ERBIN: variants seen among roughly 807,000 people sequenced by gnomAD.
ERBIN encodes the protein erbb2 interacting protein.
In ERBIN, 60 loss-of-function variants were observed where a neutral mutation model predicts 158.4. The observed-to-expected ratio is 0.38, with a 90% CI of 0.31 to 0.47. The LOEUF is 0.47. Among genes scored for constraint, ERBIN ranks in the 20% least tolerant of loss-of-function variants. The pLI, the probability that ERBIN is intolerant of heterozygous loss-of-function variation, is 0.99. For missense variants in ERBIN, 1,610 were observed against 1,648.0 expected (o/e 0.98, Z 0.40); for synonymous variants, 594 against 557.2 (o/e 1.07, Z -0.93).
At chr5:66,022,099 A>T (rs1446387276) in intron 8 of ERBIN, among the ~76,000 whole-genome samples, 1 of 152,072 alleles carries the variant, frequency 6.6e-6, no homozygotes, top group Non-Finnish European at 1.5e-5. Flanking sequence ...GAATTTCTCA[A>T]AACTGCTTGC....
intron 23 of ERBIN, among the ~76,000 whole-genome samples, chr5:66,075,828 A>C (rs1490871698): frequency 2.0e-5 from 3 of 152,134 alleles, no homozygotes; most frequent in African/African-American, 7.2e-5. Context: ...CATGTTTTAA[A>C]ATCCCAACTC....
At chr5:65,957,729 G>T (rs1479334921) in intron 1 of ERBIN, among the ~76,000 whole-genome samples, 1 of 152,234 alleles carries the variant, frequency 6.6e-6, no homozygotes, top group Non-Finnish European at 1.5e-5. Context: ...GAGCTGTTGG[G>T]TACACCTCTA....
chr5:66,037,658 A>G (rs1323576786), intron 14 of ERBIN, among the ~76,000 whole-genome samples: 2 of 152,288 alleles, frequency 1.3e-5, no homozygotes, highest in African/African-American at 2.4e-5. Flanking sequence ...ATAGGGTGAC[A>G]TGTGAGGGGA....
rs1217477593 is a variant in ERBIN, at chr5:66,079,910, T to A, written c.*1380T>A. 6.6e-6 allele frequency: 1 copy of A among 152,226 alleles called. No homozygotes were observed. The highest frequency in any genetic ancestry group is 1.9e-4 in the East Asian group (1 of 5,194). 9.4% of individuals were successfully genotyped at this position (152,226 alleles called of 1,614,324 possible). A position where few individuals can be genotyped will look rare whatever the true frequency, so the allele number is the denominator to read the frequency against. On this transcript the variant is annotated 3_prime_UTR_variant, in exon 26 of 26. Coordinates refer to ENST00000284037, the MANE Select transcript of ERBIN (RefSeq NM_001253697.2). ...CCAGACCATTAATTTTATTTGTTTT[T>A]GTTCTATGTAATCAAATAAAATTTG...
rs201946130 is a variant in ERBIN at position 66,068,807 on chromosome 5, G to A, written c.3634-3362G>A. 5.8e-5 allele frequency: 79 copies of A among 1,354,912 alleles called. No homozygotes were observed. The East Asian group carries it at 1.5e-3, about 26-fold the overall frequency. 83.9% of individuals were successfully genotyped at this position (1,354,912 alleles called of 1,614,324 possible). On this transcript the variant is annotated intron_variant, in intron 21 of 25. Coordinates refer to ENST00000284037, the MANE Select transcript of ERBIN (RefSeq NM_001253697.2). ...TGGGGTTACTTGTAAATAAGTCTACGTATATAACATGTCTCGTGGATTTTG... is the reference window on the plus strand; with the variant it reads ...TGGGGTTACTTGTAAATAAGTCTACATATATAACATGTCTCGTGGATTTTG...
intron 21 of ERBIN, among the ~76,000 whole-genome samples, chr5:66,063,950 T>C (rs1760732442): frequency 6.6e-6 from 1 of 152,208 alleles, no homozygotes; most frequent in Non-Finnish European, 1.5e-5. Context: ...ATTTCATTAT[T>C]AATCATCTCT....
chr5:66,033,230 G>T (rs1291109757), intron 14 of ERBIN, among the ~76,000 whole-genome samples: 2 of 152,090 alleles, frequency 1.3e-5, no homozygotes, highest in Non-Finnish European at 2.9e-5. Flanking sequence ...AAGATTTGTG[G>T]CACAAGAAGA....
intron 1 of ERBIN, among the ~76,000 whole-genome samples, chr5:65,986,608 G>T (rs188657541): frequency 3.5e-4 from 54 of 152,310 alleles, no homozygotes; most frequent in African/African-American, 1.3e-3. Context: ...TTAAGAAAAA[G>T]ATGATTTATG....
intron 1 of ERBIN, among the ~76,000 whole-genome samples, chr5:65,928,000 A>C (rs376513830): frequency 8.5e-5 from 13 of 152,300 alleles, no homozygotes; most frequent in African/African-American, 3.1e-4. Flanking sequence ...TGGTAGGTAT[A>C]TCCTAAATAT....
At chr5:65,991,252 A>G (rs945168986) in intron 2 of ERBIN, among the ~76,000 whole-genome samples, 4 of 152,172 alleles carry the variant, frequency 2.6e-5, no homozygotes, top group African/African-American at 4.8e-5. Context: ...TTGTTTATAC[A>G]TGGATTCTTT....
At chr5:65,933,944 G>A (rs1743759430) in intron 1 of ERBIN, among the ~76,000 whole-genome samples, 1 of 152,038 alleles carries the variant, frequency 6.6e-6, no homozygotes, top group South Asian at 2.1e-4. Flanking sequence ...CGCCCAGGCT[G>A]GAGTGCAGTG....
chr5:65,990,765 A>ATT (rs1222133321), intron 2 of ERBIN, among the ~76,000 whole-genome samples: 1 of 146,432 alleles, frequency 6.8e-6, no homozygotes, highest in African/African-American at 2.5e-5. Context: ...TAAAAAAAAA[A>ATT]TTTTTTTTTT....
At chr5:66,051,409 A>G (rs1385461798) in intron 20 of ERBIN, among the ~76,000 whole-genome samples, 1 of 152,162 alleles carries the variant, frequency 6.6e-6, no homozygotes, top group African/African-American at 2.4e-5. Flanking sequence ...GATAAATGTT[A>G]ATTTGTATAG....
intron 1 of ERBIN, among the ~76,000 whole-genome samples, chr5:65,930,396 C>T (rs530152104): frequency 6.0e-4 from 92 of 152,306 alleles, no homozygotes; most frequent in Non-Finnish European, 1.1e-3. Flanking sequence ...AGCTGCGCCT[C>T]CCCCAGGTTC....
intron 1 of ERBIN, among the ~76,000 whole-genome samples, chr5:65,962,541 T>C (rs1413543839): frequency 3.9e-5 from 6 of 152,186 alleles, no homozygotes; most frequent in Non-Finnish European, 8.8e-5. Flanking sequence ...TAAATAATGG[T>C]ATATTTATAT....
At position 65,960,624 on chromosome 5, in the gene ERBIN, T is replaced by C. The variant is rs78447240; in HGVS notation, c.-57-28011T>C. ...CTGATTAGATGCTTTTGCCCTTGGA[T>C]GTAGGCTCTTCATGAATGCAACTGC... is the stretch of plus-strand genomic sequence containing the variant. On this transcript the variant is annotated intron_variant, in intron 1 of 25. Coordinates refer to ENST00000284037, the MANE Select transcript of ERBIN (RefSeq NM_001253697.2). Among the ~76,000 whole-genome samples the C allele has an allele frequency of 2.2e-4, 34 of 152,312 alleles. No individual in the cohort carries two copies. The East Asian group carries it at 5.8e-3, about 26-fold the overall frequency.
chr5:66,075,096 C>G lies in ERBIN; in HGVS notation c.3829C>G (p.Pro1277Ala), dbSNP rs757254515. Residue 1277 changes from proline to alanine, a missense_variant, in exon 23 of 26, where the codon CCT becomes GCT. This residue lies in a region of ERBIN where 1,014 missense variants were observed against 936.1 expected (regional missense o/e 1.08). Coordinates refer to ENST00000284037, the MANE Select transcript of ERBIN (RefSeq NM_001253697.2). ...AAATTATAGTCAAATACATCACCCCCCTCAGGCATCTGTGGCAAGGCATCC... is the reference window on the plus strand; with the variant it reads ...AAATTATAGTCAAATACATCACCCCGCTCAGGCATCTGTGGCAAGGCATCC... Reference protein sequence around the residue: ...QANYSQIHHPPQASVARHPSR... With the variant: ...QANYSQIHHPAQASVARHPSR... 4.3e-6 allele frequency: 7 copies of G among 1,614,174 alleles called. No homozygotes were observed. In the South Asian group the frequency reaches 6.6e-5, roughly 15 times the overall value.
intron 1 of ERBIN, among the ~76,000 whole-genome samples, chr5:65,983,583 TAAA>T (rs1217997356): frequency 2.6e-5 from 4 of 152,204 alleles, no homozygotes; most frequent in Admixed American, 6.5e-5. Context: ...TAACTGTGAT[TAAA>T]CTAAATGATC....
intron 1 of ERBIN, among the ~76,000 whole-genome samples, chr5:65,934,694 T>A (rs1203356364): frequency 6.6e-6 from 1 of 152,218 alleles, no homozygotes; most frequent in East Asian, 1.9e-4. Context: ...TTGCCCTTTT[T>A]AAGGTATTCA....
Sources: allele counts gnomAD v4.1 joint callset (sites outside exome capture counted in the v4.1 genomes callset), GRCh38; gene constraint gnomAD v4.1.1; regional missense constraint gnomAD v4.1.1; transcripts MANE v1.5; gene names NCBI Gene and HGNC (gene_info 2026-07-23, HGNC 2026-07-21).